Variants in KIZ observed in about 807,000 individuals in gnomAD.
The protein encoded by KIZ is kizuna centrosomal protein.
In KIZ, 68 loss-of-function variants were observed where a neutral mutation model predicts 79.6. The ratio of observed to expected loss-of-function variants is 0.85; its 90% CI spans 0.70 to 1.05. The LOEUF is 1.05. Among genes scored for constraint, KIZ ranks in the 50% least tolerant of loss-of-function variants. KIZ has a pLI of 0.00. For synonymous variants in KIZ, 280 were observed against 281.8 expected, an observed-to-expected ratio of 0.99 and a Z score of 0.06; for missense variants, 797 against 800.4, an observed-to-expected ratio of 1.00 and a Z score of 0.05.
At chr20:21,130,661 A>G (rs952951669) in intron 1 of KIZ, among the ~76,000 whole-genome samples, 1 of 151,816 alleles carries the variant, frequency 6.6e-6, no homozygotes, top group Non-Finnish European at 1.5e-5. Flanking sequence ...ACATAGGCAT[A>G]CTGCAACCCA....
At chr20:21,203,618 T>C (rs1156786972) in intron 6 of KIZ, among the ~76,000 whole-genome samples, 1 of 152,238 alleles carries the variant, frequency 6.6e-6, no homozygotes. Flanking sequence ...TTCTTCTGCA[T>C]TTATTGGAAG....
intron 6 of KIZ, among the ~76,000 whole-genome samples, chr20:21,191,120 T>TTA (rs1336893227): frequency 1.3e-5 from 2 of 152,216 alleles, no homozygotes; most frequent in African/African-American, 4.8e-5. Context: ...ATGACCACCT[T>TTA]ATCACCACTT....
chr20:21,126,052 C>T (rs896673495), upstream of KIZ: 106 of 1,411,284 alleles, frequency 7.5e-5, no homozygotes, highest in Middle Eastern at 6.1e-4. Flanking sequence ...GGGGCGGTCT[C>T]CTTCGGCAAC....
intron 3 of KIZ, among the ~76,000 whole-genome samples, chr20:21,142,831 G>A (rs2032642640): frequency 1.6e-5 from 2 of 124,526 alleles, no homozygotes; most frequent in Admixed American, 1.6e-4. Context: ...AAATAGATGT[G>A]TTTCTCCTTG....
intron 8 of KIZ, 100 bp from the exon 9 acceptor site, chr20:21,215,483 C>CA (rs61160188): frequency 0.11 from 52,675 of 465,188 alleles, 65 homozygotes; most frequent in East Asian, 0.14. Context: ...ATACATTAAC[C>CA]AAAAAAAAAA....
intron 4 of KIZ, chr20:21,160,894 C>G (rs1273334774): frequency 6.5e-6 from 1 of 152,696 alleles, no homozygotes; most frequent in African/African-American, 2.4e-5. Context: ...AGTTCCTTAC[C>G]AGACCCAGAG....
At chr20:21,150,045 T>C (rs1238399571) in intron 4 of KIZ, among the ~76,000 whole-genome samples, 2 of 152,164 alleles carry the variant, frequency 1.3e-5, no homozygotes, top group African/African-American at 2.4e-5. Context: ...CTCAGTCCCA[T>C]TGGGGAACCT....
chr20:21,133,765 C>T (rs143263967), intron 2 of KIZ, among the ~76,000 whole-genome samples: 4 of 152,322 alleles, frequency 2.6e-5, no homozygotes, highest in Non-Finnish European at 5.9e-5. Context: ...AATTGGAGAG[C>T]AGGGCTGGGC....
intron 3 of KIZ, among the ~76,000 whole-genome samples, chr20:21,140,241 C>G (rs910195165): frequency 1.3e-5 from 2 of 152,224 alleles, no homozygotes; most frequent in African/African-American, 4.8e-5. Context: ...CCTTTCTTGA[C>G]TGACCTCACA....
chr20:21,238,749 A>G (rs1490712483), intron 11 of KIZ, among the ~76,000 whole-genome samples: 1 of 152,146 alleles, frequency 6.6e-6, no homozygotes, highest in Non-Finnish European at 1.5e-5. Context: ...GGGCACCTCA[A>G]GGGCATCGAG....
chr20:21,184,031 A>C (rs761056819), intron 6 of KIZ, among the ~76,000 whole-genome samples: 2 of 152,038 alleles, frequency 1.3e-5, no homozygotes, highest in East Asian at 3.9e-4. Flanking sequence ...CTCATGCTTC[A>C]CTCAAGCTGT....
At chr20:21,231,499 T>C (rs2036831650) in intron 10 of KIZ, among the ~76,000 whole-genome samples, 1 of 152,156 alleles carries the variant, frequency 6.6e-6, no homozygotes, top group Admixed American at 6.5e-5. Flanking sequence ...ACCCCTAAAT[T>C]CATTTCCCTT....
intron 9 of KIZ, among the ~76,000 whole-genome samples, chr20:21,223,665 CTT>C (rs1053285543): frequency 8.7e-5 from 11 of 126,154 alleles, no homozygotes; most frequent in African/African-American, 2.7e-4. Flanking sequence ...CTCTCTCTCT[CTT>C]TTTTTTTTTT....
chr20:21,246,213 A>T, intron 12 of KIZ: 1 of 446,142 alleles, frequency 2.2e-6, no homozygotes, highest in Non-Finnish European at 4.0e-6. Flanking sequence ...CCTATCCTAT[A>T]ATAAAGAGTT....
intron 7 of KIZ, among the ~76,000 whole-genome samples, chr20:21,208,753 G>C (rs2035945854): frequency 6.6e-6 from 1 of 152,066 alleles, no homozygotes; most frequent in Admixed American, 6.6e-5. Flanking sequence ...GTTAGGTTGT[G>C]ACTGAAGAAA....
chr20:21,187,592 T>C lies in KIZ; in HGVS notation c.1353-17899T>C, dbSNP rs556455434. ...TGAATCCGCTCACCTAGTGTAACCC[T>C]CACCAGCCCAGTCTGAGCCTCCTCG... On this transcript the variant is annotated intron_variant, in intron 6 of 12. Coordinates refer to ENST00000619189, the MANE Select transcript of KIZ (RefSeq NM_018474.6). 5.3e-5 allele frequency among the ~76,000 whole-genome samples: 8 copies of C among 152,274 alleles called. No individual in the cohort carries two copies. The East Asian group carries it at 1.3e-3, about 26-fold the overall frequency.
At chr20:21,149,364 A>T (rs1185225561) in intron 4 of KIZ, among the ~76,000 whole-genome samples, 170 of 152,346 alleles carry the variant, frequency 1.1e-3, no homozygotes, top group African/African-American at 4.0e-3. Context: ...ATTTGAGCTG[A>T]ATCAGGTGAG....
rs374746995 is a variant in KIZ, at chr20:21,162,275, G to T, written c.810G>T (p.Lys270Asn). ...AGAGTAATTTATCTGAAGGCAAAAA[G>T]TCTGCTGAACTCAATTCCCCGTTAC... ...HGKSNLSEGK[K>N]SAELNSPLRE... Residue 270 changes from lysine to asparagine, a missense_variant, in exon 5 of 13, where the codon AAG becomes AAT. Coordinates refer to ENST00000619189, the MANE Select transcript of KIZ (RefSeq NM_018474.6). The T allele has an allele frequency of 6.2e-7, 1 of 1,613,972 alleles. No individual in the cohort carries two copies. Among genetic ancestry groups the T allele is most frequent in the Non-Finnish European group, 8.5e-7 (1 of 1,179,844 alleles).
At chr20:21,246,395 A>G in intron 12 of KIZ, 84 bp from the exon 13 acceptor site, 2 of 814,338 alleles carry the variant, frequency 2.5e-6, no homozygotes, top group Non-Finnish European at 4.2e-6. Flanking sequence ...ACTCTGCTTA[A>G]CCAGTCCTTC....
Sources: allele counts gnomAD v4.1 joint callset (sites outside exome capture counted in the v4.1 genomes callset), GRCh38; gene constraint gnomAD v4.1.1; transcripts MANE v1.5; gene names NCBI Gene and HGNC (gene_info 2026-07-23, HGNC 2026-07-21).